Variants in ATM observed in about 807,000 individuals in gnomAD.
ATM encodes serine-protein kinase ATM.
Under a neutral mutation model 387.0 loss-of-function variants are expected in ATM, and 308 were observed. That is an observed-to-expected ratio of 0.80 (90% confidence interval 0.73 to 0.87). ATM has a LOEUF of 0.87. Among genes scored for constraint, ATM ranks in the 40% least tolerant of loss-of-function variants. The pLI, the probability that ATM is intolerant of heterozygous loss-of-function variation, is 0.00. For synonymous variants in ATM, 1,156 were observed against 1,187.3 expected (o/e 0.97, Z 0.54); for missense variants, 3,312 against 3,560.9 (o/e 0.93, Z 1.78).
intron 47 of ATM, 191 bp from the exon 48 acceptor site, chr11:108,327,454 A>G: frequency 1.8e-6 from 1 of 549,526 alleles, no homozygotes; most frequent in Non-Finnish European, 3.3e-6. Context: ...ATAATAATAA[A>G]CAGAGGATGA....
intron 27 of ATM, among the ~76,000 whole-genome samples, 172 bp downstream of exon 27, chr11:108,287,887 A>G (rs1255199648): frequency 6.6e-6 from 1 of 152,168 alleles, no homozygotes; most frequent in Non-Finnish European, 1.5e-5. Context: ...CTCTTTTACC[A>G]TAGTCTCCCC....
Position 108,271,467 on chromosome 11 carries a change from G to A in ATM, c.3077+61G>A, listed in dbSNP as rs3218679. ...TTGCTATCTGTGGATACGAATGCAA[G>A]TTTTGTATCCACATCAGTGATTTCT... On this transcript the variant is annotated intron_variant, in intron 20 of 62. Coordinates refer to ENST00000675843, the MANE Select transcript of ATM (RefSeq NM_000051.4). The A allele has an allele frequency of 1.5e-3, 2,365 of 1,569,184 alleles. 31 individuals carry two copies. In the African/African-American group the frequency reaches 0.028, roughly 19 times the overall value.
rs1485943190 is a variant in ATM at position 108,268,600 on chromosome 11, C to T, written c.2829C>T (p.His943=). 2 of 1,613,846 alleles carry T rather than the reference C, an allele frequency of 1.2e-6. No individual in the cohort carries two copies. Among genetic ancestry groups the T allele is most frequent in the Non-Finnish European group, 1.7e-6 (2 of 1,179,920 alleles). Residue 943 remains histidine (H), a synonymous_variant, in exon 18 of 63, where the codon CAC becomes CAT. Transcript: ENST00000675843. The part of the protein sequence containing the change: ...SSTLEPTKSL[H]LHMYLMLLKE... ...CGCTAGAACCTACCAAATCCCTCCACCTGCATATGGTGAGTTACGTTAAAT... is the reference window on the plus strand; with the variant it reads ...CGCTAGAACCTACCAAATCCCTCCATCTGCATATGGTGAGTTACGTTAAAT...
At chr11:108,227,518 A>AT in intron 1 of ATM, 77 bp from the exon 2 acceptor site, 1 of 931,098 alleles carries the variant, frequency 1.1e-6, no homozygotes, top group Non-Finnish European at 1.7e-6. Flanking sequence ...TTATATACAC[A>AT]TTTTTTCACA....
At chr11:108,337,640 C>G (rs2086997310) in intron 56 of ATM, among the ~76,000 whole-genome samples, 1 of 152,192 alleles carries the variant, frequency 6.6e-6, no homozygotes, top group Non-Finnish European at 1.5e-5. Context: ...GTTCTACCAT[C>G]TATTGACCTG....
chr11:108,333,555 T>C (rs999671641), intron 53 of ATM, among the ~76,000 whole-genome samples: 1 of 152,258 alleles, frequency 6.6e-6, no homozygotes, highest in Non-Finnish European at 1.5e-5. Flanking sequence ...TTAGTTGCAT[T>C]TAATGGTAAT....
chr11:108,266,970 A>G (rs181056256), intron 16 of ATM, among the ~76,000 whole-genome samples: 1 of 151,888 alleles, frequency 6.6e-6, no homozygotes, highest in African/African-American at 2.4e-5. Context: ...TAATTTTTGT[A>G]TTTTAAATAG....
intron 17 of ATM, 107 bp downstream of exon 17, chr11:108,267,449 G>T (rs1044143667): frequency 4.1e-6 from 4 of 969,278 alleles, no homozygotes; most frequent in East Asian, 2.5e-5. Flanking sequence ...TTTTCTCTTA[G>T]TATAGCCTTT....
At position 108,326,186 on chromosome 11, in the gene ATM, C is replaced by T. The variant is rs1555119992; in HGVS notation, c.6936C>T (p.Leu2312=). The change falls in exon 47 of 63, where the codon CTC becomes CTT. Residue 2312 remains leucine, a synonymous_variant. Coordinates refer to ENST00000675843, the MANE Select transcript of ATM (RefSeq NM_000051.4). ...AGCAGAGTCTTGCCCTGAGTATTCT[C>T]AAGCAAATGATCAAGAAGTTGGATG... ...KKEQSLALSI[L]KQMIKKLDAS... 2 of 1,613,892 alleles carry T rather than the reference C, an allele frequency of 1.2e-6. No homozygotes were observed. Among genetic ancestry groups the T allele is most frequent in the Non-Finnish European group, 1.7e-6 (2 of 1,180,000 alleles).
At chr11:108,359,710 G>A (rs930213719) in intron 61 of ATM, among the ~76,000 whole-genome samples, 301 of 152,106 alleles carry the variant, frequency 2.0e-3, no homozygotes, top group Non-Finnish European at 3.6e-3. Flanking sequence ...GATACATAAT[G>A]AAATGAAGGC....
intron 48 of ATM, among the ~76,000 whole-genome samples, chr11:108,328,332 T>G (rs977383483): frequency 1.1e-4 from 16 of 152,146 alleles, no homozygotes; most frequent in Non-Finnish European, 1.5e-5. Flanking sequence ...CTGCAACCTC[T>G]GCCTCCTGGG....
In ATM at chr11:108,304,817, C is replaced by T. The variant is rs587780628; in HGVS notation, c.5639C>T (p.Thr1880Met). Residue 1880 changes from threonine to methionine, a missense_variant, in exon 37 of 63, where the codon ACG (threonine) becomes ATG (methionine). This residue lies in a region of ATM where 1,405 missense variants were observed against 1,604.4 expected (regional missense o/e 0.88). Coordinates refer to ENST00000675843, the MANE Select transcript of ATM (RefSeq NM_000051.4). ...AGCTGTCTTCGACACTTCTCGCAAA[C>T]GAGCCGATCCACAACCCCTGCAAAC... The part of the protein sequence containing the change: ...FTSCLRHFSQ[T>M]SRSTTPANLD... 2.0e-5 allele frequency: 32 copies of T among 1,589,540 alleles called. No homozygotes were observed. Among genetic ancestry groups the T allele is most frequent in the African/African-American group, 2.7e-5 (2 of 73,848 alleles).
intron 39 of ATM, among the ~76,000 whole-genome samples, 197 bp downstream of exon 39, chr11:108,310,512 A>G (rs575188719): frequency 3.3e-5 from 5 of 152,308 alleles, no homozygotes; most frequent in African/African-American, 1.2e-4. Flanking sequence ...AGGAATGCTT[A>G]TTACTTAGGT....
rs1565357315 is a variant in ATM at position 108,235,813 on chromosome 11, A to G, written c.475A>G (p.Ile159Val). 1.2e-6 allele frequency: 2 copies of G among 1,613,720 alleles called. No homozygotes were observed. The highest frequency in any genetic ancestry group is 1.7e-6 in the Non-Finnish European group (2 of 1,179,872). Residue 159 changes from isoleucine (I) to valine (V), a missense_variant, in exon 5 of 63, where the codon ATA becomes GTA. Ile to Val is a conservative substitution (Grantham distance 29). Transcript: ENST00000675843. ...ILSVRKYWCEISQQQWLELFS... is the reference protein window; with the variant it reads ...ILSVRKYWCEVSQQQWLELFS... ...TTCTGTGAGAAAATACTGGTGTGAA[A>G]TATCTCAGCAACAGTGGTTAGGTAT... is the stretch of plus-strand genomic sequence containing the variant.
intron 8 of ATM, among the ~76,000 whole-genome samples, 199 bp downstream of exon 8, chr11:108,247,326 G>C (rs1400749722): frequency 6.6e-6 from 1 of 152,094 alleles, no homozygotes; most frequent in African/African-American, 2.4e-5. Flanking sequence ...GCAGATATTT[G>C]AAAACTAACA....
intron 5 of ATM, 135 bp from the exon 6 acceptor site, chr11:108,243,818 A>C (rs117601070): frequency 2.9e-4 from 233 of 800,424 alleles, no homozygotes; most frequent in Non-Finnish European, 4.3e-4. Context: ...TACTTTTACT[A>C]TGTTAAAAAT....
At chr11:108,282,631 C>T in intron 24 of ATM, 79 bp from the exon 25 acceptor site, 1 of 1,370,788 alleles carries the variant, frequency 7.3e-7, no homozygotes, top group Admixed American at 1.8e-5. Context: ...CTAGGTCCTA[C>T]TCTAAATAAT....
At chr11:108,233,817 A>G (rs1348076684) in intron 4 of ATM, among the ~76,000 whole-genome samples, 1 of 152,116 alleles carries the variant, frequency 6.6e-6, no homozygotes, top group African/African-American at 2.4e-5. Flanking sequence ...ACTGCACTCC[A>G]GCTTGGGTGA....
At position 108,332,650 on chromosome 11, in the gene ATM, T is replaced by A. The variant is rs1591177160; in HGVS notation, c.7789-112T>A. The A allele has an allele frequency of 7.8e-6, 9 of 1,147,500 alleles. No individual in the cohort carries two copies. The East Asian group carries it at 2.3e-4, about 29-fold the overall frequency. 71.1% of individuals were successfully genotyped at this position (1,147,500 alleles called of 1,614,324 possible). A position where few individuals can be genotyped will look rare whatever the true frequency, so the allele number is the denominator to read the frequency against. ...TTTGTATCTGAGGAATTATAATCAT[T>A]CCATTGTCTAGATTTGTGCATAAAT... On this transcript the variant is annotated intron_variant, in intron 52 of 62. Coordinates refer to ENST00000675843, the MANE Select transcript of ATM (RefSeq NM_000051.4).
Sources: gnomAD v4.1 joint callset for allele counts (sites outside exome capture counted in the v4.1 genomes callset) on GRCh38, gnomAD v4.1.1 for gene constraint, gnomAD v4.1.1 regional missense constraint, MANE v1.5 for transcripts, NCBI Gene and HGNC (gene_info 2026-07-23, HGNC 2026-07-21) for gene names.